The following TTN variants were observed in gnomAD, a reference collection of about 807,000 sequenced individuals.
TTN encodes the protein connectin.
A neutral mutation model predicts 3,223.0 loss-of-function variants in TTN; 1,525 were observed. That is an observed-to-expected ratio of 0.47 (90% CI 0.45 to 0.49). TTN has a LOEUF of 0.49. Among genes scored for constraint, TTN ranks in the 20% least tolerant of loss-of-function variants. The pLI is 0.00. For missense variants in TTN, 40,786 were observed against 43,424.0 expected, an observed-to-expected ratio of 0.94 and a Z score of 5.40; for synonymous variants, 14,094 against 15,161.0, an observed-to-expected ratio of 0.93 and a Z score of 5.17.
At chr2:178,750,083 T>A in intron 47 of TTN, 1 of 1,613,206 alleles carries the variant, frequency 6.2e-7, no homozygotes, top group Non-Finnish European at 8.5e-7. Flanking sequence ...TGCTGTTACC[T>A]GAATTTCTAC....
At chr2:178,797,885 A>G (rs2093854687) in intron 6 of TTN, among the ~76,000 whole-genome samples, 1 of 150,342 alleles carries the variant, frequency 6.7e-6, no homozygotes, top group Non-Finnish European at 1.5e-5. Flanking sequence ...TTTTTTTTTC[A>G]TTTTTTAACT....
rs1326559098 is a variant in TTN at position 178,678,139 on chromosome 2, G to T, written c.33980C>A (p.Ala11327Glu). ...GATTAATGTACCTTTGGGTGGTGGT[G>T]CTTCCACTTTTTTCGGAACAGGTGT... Reference protein sequence around the residue: ...KPTPVPKKVEAPPPKVPKKRE... With the variant: ...KPTPVPKKVEEPPPKVPKKRE... The change falls in exon 145 of 363, where the codon GCA (alanine) becomes GAA (glutamate). Residue 11327 changes from alanine to glutamate, a missense_variant. Transcript: ENST00000589042. 1 of 1,610,924 alleles carries T rather than the reference G, an allele frequency of 6.2e-7. No homozygotes were observed. The highest frequency in any genetic ancestry group is 8.5e-7 in the Non-Finnish European group (1 of 1,178,906).
chr2:178,553,233 T>A lies in TTN; in HGVS notation c.89667A>T (p.Glu29889Asp), dbSNP rs1293413587. The A allele has an allele frequency of 5.0e-6, 8 of 1,613,598 alleles. No homozygotes were observed. In the East Asian group the frequency reaches 1.3e-4, roughly 27 times the overall value. Reference protein sequence around the residue: ...NLGSDARYSIENTDSSSLLTI... With the variant: ...NLGSDARYSIDNTDSSSLLTI... Reference sequence around the variant, plus strand: ...TGAGTAATGAGGATGAATCAGTGTTTTCAATGCTGTATCTGGCATCACTGC... The same window carrying A: ...TGAGTAATGAGGATGAATCAGTGTTATCAATGCTGTATCTGGCATCACTGC... Residue 29889 changes from glutamate (E) to aspartate (D), a missense_variant, in exon 335 of 363, where the codon GAA (glutamate) becomes GAT (aspartate). Glu to Asp is a conservative substitution (Grantham distance 45, BLOSUM62 2). Coordinates refer to ENST00000589042, the MANE Select transcript of TTN (RefSeq NM_001267550.2).
In TTN at chr2:178,536,045, A is replaced by G; in HGVS notation, c.100702T>C (p.Tyr33568His). Residue 33568 changes from tyrosine (Y) to histidine (H), a missense_variant, in exon 357 of 363, where the codon TAC becomes CAC. By Grantham distance (83) the Tyr-to-His change is moderately conservative. Coordinates refer to ENST00000589042, the MANE Select transcript of TTN (RefSeq NM_001267550.2). ...CCTTGGTTGGTAGCTCTGACTTGGT[A>G]AACTGTGGCATCATCATCTGTGACA... ...ASVTDDDATV[Y>H]QVRATNQGGS... 6.3e-7 allele frequency: 1 copy of G among 1,590,530 alleles called. No individual in the cohort carries two copies. The highest frequency in any genetic ancestry group is 1.1e-5 in the South Asian group (1 of 87,282).
At position 178,756,733 on chromosome 2, in the gene TTN, C is replaced by T. The variant is rs747019000; in HGVS notation, c.10743G>A (p.Val3581=). The change falls in exon 46 of 363, where the codon GTG becomes GTA. Residue 3581 remains valine, a synonymous_variant. Coordinates refer to ENST00000589042, the MANE Select transcript of TTN (RefSeq NM_001267550.2). ...DVRESTKSQA[V]ADSSFTKEES... is the part of the protein sequence containing the mutation. ...CCTCCTTTGTGAAAGAGGAATCTGC[C>T]ACTGCCTGGGACTTGGTGGACTCTC... The T allele has an allele frequency of 1.6e-5, 26 of 1,613,682 alleles. 1 individual carries two copies. The highest frequency in any genetic ancestry group is 2.1e-5 in the Non-Finnish European group (25 of 1,179,816).
intron 282 of TTN, 100 bp from the exon 283 acceptor site, chr2:178,602,690 A>T: frequency 1.2e-6 from 1 of 867,952 alleles, no homozygotes; most frequent in African/African-American, 1.8e-5. Flanking sequence ...TAATCTATTA[A>T]AATATTAAAA....
rs1227124053 is a variant in TTN, at chr2:178,561,163, A to G, written c.84969T>C (p.Tyr28323=). ...EVTELTEDQR[Y]EFRVFARNAA... ...CATTCCTTGCAAAAACCCGGAATTC[A>G]TAACGCTGATCTTCAGTAAGTTCAG... The change falls in exon 326 of 363, where the codon TAT becomes TAC. Residue 28323 remains tyrosine, a synonymous_variant. Coordinates refer to ENST00000589042, the MANE Select transcript of TTN (RefSeq NM_001267550.2). 2 of 1,613,728 alleles carry G rather than the reference A, an allele frequency of 1.2e-6. No individual in the cohort carries two copies. The highest frequency in any genetic ancestry group is 1.7e-5 in the Admixed American group (1 of 60,002).
chr2:178,579,476 T>G, intron 319 of TTN, 83 bp from the exon 320 acceptor site: 2 of 1,570,718 alleles, frequency 1.3e-6, no homozygotes, highest in Non-Finnish European at 1.7e-6. Context: ...TTTAACGGAT[T>G]TTTAGATAAG....
intron 121 of TTN, 38 bp downstream of exon 121, chr2:178,691,978 T>C: frequency 5.8e-6 from 9 of 1,562,622 alleles, no homozygotes; most frequent in East Asian, 2.2e-5. Flanking sequence ...GGCTGGCACT[T>C]GGAGCAAAGA....
Position 178,575,267 on chromosome 2 carries a change from A to G in TTN, c.70865T>C (p.Val23622Ala). ...GRSAPRESRPVIVKEQTMLPE... is the reference protein window; with the variant it reads ...GRSAPRESRPAIVKEQTMLPE... ...AAGCATTGTCTGCTCCTTGACAATG[A>G]CGGGTCTGCTTTCTCTAGGGGCACT... is the stretch of plus-strand genomic sequence containing the variant. Residue 23622 changes from valine (V) to alanine (A), a missense_variant, in exon 326 of 363, where the codon GTC becomes GCC. Physicochemically the swap from Val to Ala is moderately conservative, Grantham distance 64. Transcript: ENST00000589042. The surrounding 1 kb of genome is among the most constrained non-coding windows in gnomAD (Gnocchi z 4.0). 2 of 1,613,336 alleles carry G rather than the reference A, an allele frequency of 1.2e-6. No homozygotes were observed. The highest frequency in any genetic ancestry group is 1.1e-5 in the South Asian group (1 of 91,070).
In TTN at chr2:178,541,388, G is replaced by A; in HGVS notation, c.97689C>T (p.Gly32563=). 1 of 1,611,204 alleles carries A rather than the reference G, an allele frequency of 6.2e-7. No homozygotes were observed. The change falls in exon 350 of 363, where the codon GGC becomes GGT. Residue 32563 remains glycine, a synonymous_variant. Coordinates refer to ENST00000589042, the MANE Select transcript of TTN (RefSeq NM_001267550.2). ...PVTMTRYRST[G]LTEGLEYEHR... is the part of the protein sequence containing the mutation. ...GTTCATATTCTAAGCCTTCAGTAAGGCCAGTGGAGCGGTACCGTGTCATTG... is the reference window on the plus strand; with the variant it reads ...GTTCATATTCTAAGCCTTCAGTAAGACCAGTGGAGCGGTACCGTGTCATTG...
chr2:178,702,006 G>T, intron 109 of TTN, 34 bp downstream of exon 109: 1 of 1,600,750 alleles, frequency 6.2e-7, no homozygotes. Flanking sequence ...CAAATTTATT[G>T]TAAGCAAGGA....
intron 15 of TTN, among the ~76,000 whole-genome samples, chr2:178,784,648 G>A (rs1252274887): frequency 2.6e-5 from 4 of 152,100 alleles, no homozygotes; most frequent in African/African-American, 4.8e-5. Flanking sequence ...GCTTAGTCAC[G>A]AATTTTCACT....
chr2:178,793,291 A>T, intron 9 of TTN, 113 bp downstream of exon 9: 1 of 1,438,036 alleles, frequency 7.0e-7, no homozygotes, highest in Admixed American at 2.1e-5. Context: ...GGATCTTATT[A>T]GTATGCTAAC....
At chr2:178,664,973 G>A in intron 165 of TTN, 47 bp from the exon 166 acceptor site, 1 of 1,552,504 alleles carries the variant, frequency 6.4e-7, no homozygotes, top group Non-Finnish European at 8.7e-7. Flanking sequence ...AATGATTAAT[G>A]GAAAACAGTA....
At position 178,795,240 on chromosome 2, in the gene TTN, T is replaced by G. The variant is rs774875172; in HGVS notation, c.927A>C (p.Pro309=). 3.1e-6 allele frequency: 5 copies of G among 1,613,976 alleles called. No individual in the cohort carries two copies. In the South Asian group the frequency reaches 5.5e-5, roughly 18 times the overall value. The change falls in exon 7 of 363, where the codon CCA becomes CCC. Residue 309 remains proline, a synonymous_variant. Coordinates refer to ENST00000589042, the MANE Select transcript of TTN (RefSeq NM_001267550.2). ...PTPSPVRSVS[P]AARISTSPIR... is the part of the protein sequence containing the mutation. The stretch of plus-strand genomic sequence containing the variant: ...TGGGGGATGTGGAGATTCTTGCTGC[T>G]GGAGACACGGACCTGAAAACCAAAA...
chr2:178,723,469 C>T lies in TTN; in HGVS notation c.21631G>A (p.Val7211Ile). The change falls in exon 74 of 363, where the codon GTT becomes ATT. Residue 7211 changes from valine (V) to isoleucine (I), a missense_variant. Val to Ile is a conservative substitution (Grantham distance 29, BLOSUM62 3). Coordinates refer to ENST00000589042, the MANE Select transcript of TTN (RefSeq NM_001267550.2). ...GATGCTTGGCCAGCGTTGTTAGAAA[C>T]CACACAGGTGTATTCCCCACTCTGA... Reference protein sequence around the residue: ...ISQSGEYTCVVSNNAGQASCT... With the variant: ...ISQSGEYTCVISNNAGQASCT... 1 of 1,613,278 alleles carries T rather than the reference C, an allele frequency of 6.2e-7. No individual in the cohort carries two copies. The highest frequency in any genetic ancestry group is 8.5e-7 in the Non-Finnish European group (1 of 1,179,570).
chr2:178,774,436 T>C lies in TTN; in HGVS notation c.6828A>G (p.Ile2276Met), dbSNP rs780309167. The C allele has an allele frequency of 1.9e-6, 3 of 1,613,498 alleles. No individual in the cohort carries two copies. The highest frequency in any genetic ancestry group is 2.5e-6 in the Non-Finnish European group (3 of 1,179,880). The change falls in exon 30 of 363, where the codon ATA (isoleucine) becomes ATG (methionine). Residue 2276 changes from isoleucine (I) to methionine (M), a missense_variant. Coordinates refer to ENST00000589042, the MANE Select transcript of TTN (RefSeq NM_001267550.2). ...VVEFVKELQD[I>M]EVPESYSGEL... ...CTCCTGAATATGATTCTGGAACTTC[T>C]ATGTCCTGAAGTTCTTTCACAAACT... is the stretch of plus-strand genomic sequence containing the variant.
At position 178,730,268 on chromosome 2, in the gene TTN, C is replaced by T. The variant is rs749108620; in HGVS notation, c.18132G>A (p.Lys6044=). The part of the protein sequence containing the change: ...LVGGTAPMTI[K]WFKDNKELHS... ...GTAACTCTTTGTTATCTTTAAACCACTTTATTGTCATGGGTGCAGTGCCAC... is the reference window on the plus strand; with the variant it reads ...GTAACTCTTTGTTATCTTTAAACCATTTTATTGTCATGGGTGCAGTGCCAC... The change falls in exon 62 of 363, where the codon AAG becomes AAA. Residue 6044 remains lysine (K), a synonymous_variant. Transcript: ENST00000589042. 6.2e-7 allele frequency: 1 copy of T among 1,612,938 alleles called. No individual in the cohort carries two copies. The highest frequency in any genetic ancestry group is 1.3e-5 in the African/African-American group (1 of 74,898).
Sources: gnomAD v4.1 joint callset for allele counts (sites outside exome capture counted in the v4.1 genomes callset) on GRCh38, gnomAD v4.1.1 for gene constraint, Gnocchi (gnomAD v3.1) non-coding constraint, MANE v1.5 for transcripts, NCBI Gene and HGNC (gene_info 2026-07-23, HGNC 2026-07-21) for gene names.